MITF: variants seen among roughly 807,000 people sequenced by gnomAD.
The protein encoded by MITF is microphthalmia-associated transcription factor.
A neutral mutation model predicts 60.5 loss-of-function variants in MITF; 17 were observed. The ratio of observed to expected loss-of-function variants is 0.28; its 90% CI spans 0.19 to 0.42. MITF has a LOEUF of 0.42. Among genes scored for constraint, MITF ranks in the 10% least tolerant of loss-of-function variants. The probability of loss-of-function intolerance (pLI) is 1.00; values close to 1 mark genes in which losing one functional copy is unlikely to be tolerated. For missense variants in MITF, 622 were observed against 683.5 expected, an observed-to-expected ratio of 0.91 and a Z score of 1.00; for synonymous variants, 260 against 248.5, an observed-to-expected ratio of 1.05 and a Z score of -0.43.
chr3:69,739,687 A>G lies in MITF; in HGVS notation c.90A>G (p.Gln30=). 3 of 1,571,882 alleles carry G rather than the reference A, an allele frequency of 1.9e-6. No individual in the cohort carries two copies. Among genetic ancestry groups the G allele is most frequent in the Non-Finnish European group, 2.6e-6 (3 of 1,156,554 alleles). Residue 30 remains glutamine (Q), a synonymous_variant, in exon 1 of 10, where the codon CAA becomes CAG. Transcript: ENST00000352241. The part of the protein sequence containing the change: ...EPKTYYELKS[Q]PLKSSSSAEH... ...AAACCTATTACGAACTCAAAAGTCA[A>G]CCGCTGAAGAGCAGGTGAGTGGTGA...
At chr3:69,926,623 AAAAGTTCTAGCATGTGGAATGCT>A (rs746374429) in intron 2 of MITF, among the ~76,000 whole-genome samples, 8 of 152,144 alleles carry the variant, frequency 5.3e-5, no homozygotes, top group Non-Finnish European at 8.8e-5. Context: ...GGGCACGTGG[AAAAGTTCTAGCATGTGGAATGCT>A]GCACTCGCAG....
At position 69,821,991 on chromosome 3, in the gene MITF, C is replaced by T. The variant is rs148191994; in HGVS notation, c.105-57143C>T. On this transcript the variant is annotated intron_variant, in intron 1 of 9. Coordinates refer to ENST00000352241, the MANE Select transcript of MITF (RefSeq NM_001354604.2). ...CGCCTGGGCTCAAGTGTTCCACCCG[C>T]CTTGGCCTCTCAAAGTGGTGGGATT... Among the ~76,000 whole-genome samples, 1,012 of 152,314 alleles carry T rather than the reference C, an allele frequency of 6.6e-3. 31 individuals are homozygous for T. The East Asian group carries it at 0.071, about 11-fold the overall frequency.
intron 1 of MITF, among the ~76,000 whole-genome samples, chr3:69,766,626 C>T (rs1385381617): frequency 6.6e-6 from 1 of 152,006 alleles, no homozygotes; most frequent in African/African-American, 2.4e-5. Flanking sequence ...TTTTGGGAGG[C>T]CTGGTTGCAG....
intron 1 of MITF, among the ~76,000 whole-genome samples, chr3:69,741,406 T>C (rs1703524709): frequency 6.6e-6 from 1 of 152,136 alleles, no homozygotes; most frequent in African/African-American, 2.4e-5. Flanking sequence ...ACATTTCTGA[T>C]GGTAGCTGAT....
intron 1 of MITF, among the ~76,000 whole-genome samples, chr3:69,825,255 G>A (rs2063336253): frequency 6.6e-6 from 1 of 152,178 alleles, no homozygotes; most frequent in South Asian, 2.1e-4. Context: ...TAATGGATTT[G>A]TTCAAAGGAG....
At chr3:69,774,484 T>C (rs1575692875) in intron 1 of MITF, among the ~76,000 whole-genome samples, 1 of 152,336 alleles carries the variant, frequency 6.6e-6, no homozygotes, top group African/African-American at 2.4e-5. Context: ...GAAGTATTGC[T>C]TTAGTCTTAC....
At chr3:69,865,651 A>C (rs2064099469) in intron 1 of MITF, among the ~76,000 whole-genome samples, 1 of 152,166 alleles carries the variant, frequency 6.6e-6, no homozygotes, top group Admixed American at 6.5e-5. Context: ...CTTCCACCAG[A>C]ACCGGGCAAG....
intron 1 of MITF, among the ~76,000 whole-genome samples, chr3:69,844,901 T>C (rs2063703345): frequency 6.6e-6 from 1 of 152,214 alleles, no homozygotes; most frequent in Non-Finnish European, 1.5e-5. Context: ...CATGTCACTA[T>C]GGCAACCATG....
In MITF at chr3:69,777,319, A is replaced by G. The variant is rs117063288; in HGVS notation, c.104+37618A>G. ...TATCTTGTTTGTGGCATCACTGGAAATGAATAAGTCCTGATTCCAGTGATG... is the reference window on the plus strand; with the variant it reads ...TATCTTGTTTGTGGCATCACTGGAAGTGAATAAGTCCTGATTCCAGTGATG... On this transcript the variant is annotated intron_variant, in intron 1 of 9. Transcript: ENST00000352241. Among the ~76,000 whole-genome samples the G allele has an allele frequency of 9.2e-5, 14 of 152,344 alleles. No individual in the cohort carries two copies. In the East Asian group the frequency reaches 2.7e-3, roughly 29 times the overall value.
intron 1 of MITF, among the ~76,000 whole-genome samples, chr3:69,871,292 A>C (rs1050082357): frequency 2.0e-5 from 3 of 152,198 alleles, no homozygotes; most frequent in African/African-American, 7.2e-5. Flanking sequence ...GATAACCCTT[A>C]CTTGATTGTC....
At chr3:69,781,487 C>A (rs902651655) in intron 1 of MITF, among the ~76,000 whole-genome samples, 1 of 152,088 alleles carries the variant, frequency 6.6e-6, no homozygotes, top group Non-Finnish European at 1.5e-5. Context: ...AAAGACGACA[C>A]CAGCGAGCAT....
intron 1 of MITF, among the ~76,000 whole-genome samples, chr3:69,794,644 C>CTTTGCATTTGTTA (rs1343643638): frequency 6.6e-6 from 1 of 152,156 alleles, no homozygotes; most frequent in Non-Finnish European, 1.5e-5. Flanking sequence ...ATCCAGGCTG[C>CTTTGCATTTGTTA]TTTGCATTTG....
At chr3:69,770,554 C>G (rs2062377545) in intron 1 of MITF, among the ~76,000 whole-genome samples, 1 of 152,158 alleles carries the variant, frequency 6.6e-6, no homozygotes, top group African/African-American at 2.4e-5. Context: ...GTTGGAGACT[C>G]TGAGAGAATT....
intron 1 of MITF, among the ~76,000 whole-genome samples, chr3:69,863,519 T>G (rs1264668214): frequency 6.6e-6 from 1 of 152,166 alleles, no homozygotes; most frequent in Non-Finnish European, 1.5e-5. Flanking sequence ...CCACATTATG[T>G]CCCCTTCGGG....
chr3:69,839,752 A>T (rs1024328055), intron 1 of MITF, among the ~76,000 whole-genome samples: 4 of 145,614 alleles, frequency 2.7e-5, no homozygotes, highest in South Asian at 2.2e-4. Context: ...ACCGATATTT[A>T]AAAAAAAAAA....
intron 1 of MITF, chr3:69,866,348 T>C: frequency 1.2e-6 from 2 of 1,613,748 alleles, no homozygotes; most frequent in South Asian, 1.1e-5. Flanking sequence ...CTTGTATCTG[T>C]AAGTGAAGTT....
chr3:69,839,555 A>G, intron 1 of MITF, among the ~76,000 whole-genome samples: 1 of 151,974 alleles, frequency 6.6e-6, no homozygotes, highest in East Asian at 1.9e-4. Flanking sequence ...GGAAGAGTCT[A>G]GTTGCATCCT....
At chr3:69,860,887 A>G (rs1482083693) in intron 1 of MITF, among the ~76,000 whole-genome samples, 1 of 152,142 alleles carries the variant, frequency 6.6e-6, no homozygotes, top group Non-Finnish European at 1.5e-5. Flanking sequence ...GGATGCTGTA[A>G]TATCACTGTT....
intron 1 of MITF, among the ~76,000 whole-genome samples, chr3:69,795,802 T>C (rs1260426300): frequency 6.6e-6 from 1 of 152,220 alleles, no homozygotes; most frequent in Non-Finnish European, 1.5e-5. Context: ...AAAGCTAATA[T>C]ATTAAATCAA....
Sources: allele counts gnomAD v4.1 joint callset (sites outside exome capture counted in the v4.1 genomes callset), GRCh38; gene constraint gnomAD v4.1.1; transcripts MANE v1.5; gene names NCBI Gene and HGNC (gene_info 2026-07-23, HGNC 2026-07-21).